The following CUX1 variants were observed in gnomAD, a reference collection of about 807,000 sequenced individuals.
CUX1 encodes the protein protein CASP.
In CUX1, 31 loss-of-function variants were observed where a neutral mutation model predicts 158.8. The ratio of observed to expected loss-of-function variants is 0.20; its 90% CI spans 0.15 to 0.26. The LOEUF is 0.26. Among genes scored for constraint, CUX1 ranks in the 10% least tolerant of loss-of-function variants. CUX1 has a pLI of 1.00. For missense variants in CUX1, 1,589 were observed against 2,014.6 expected (o/e 0.79, Z 4.04); for synonymous variants, 879 against 862.1 (o/e 1.02, Z -0.34).
chr7:101,995,146 G>A (rs1815681599), intron 2 of CUX1, among the ~76,000 whole-genome samples: 1 of 152,106 alleles, frequency 6.6e-6, no homozygotes, highest in Non-Finnish European at 1.5e-5. Flanking sequence ...ACCTGGCTGG[G>A]GGTGATTGTG....
At chr7:101,888,872 G>A (rs968648596) in intron 1 of CUX1, among the ~76,000 whole-genome samples, 1 of 152,080 alleles carries the variant, frequency 6.6e-6, no homozygotes, top group South Asian at 2.1e-4. Context: ...TTATAGGGGT[G>A]AGCCACCACA....
chr7:101,979,650 C>T (rs1813161359), intron 2 of CUX1, among the ~76,000 whole-genome samples: 1 of 151,846 alleles, frequency 6.6e-6, no homozygotes, highest in African/African-American at 2.4e-5. Flanking sequence ...TGTTTTCTTT[C>T]TTTTTTCTTT....
At chr7:101,857,128 G>T (rs1015417223) in intron 1 of CUX1, among the ~76,000 whole-genome samples, 9 of 152,204 alleles carry the variant, frequency 5.9e-5, no homozygotes, top group Non-Finnish European at 8.8e-5. Context: ...CCTGCGCCAT[G>T]TTCCTGCCCT....
chr7:101,887,842 C>CCTTTTTTTTTTTTTT lies in CUX1; in HGVS notation c.31-28273_31-28272insCTTTTTTTTTTTTTT, dbSNP rs1562966470. 3.7e-5 allele frequency among the ~76,000 whole-genome samples: 5 copies of CCTTTTTTTTTTTTTT among 135,038 alleles called. 1 individual carries two copies. The highest frequency in any genetic ancestry group is 1.6e-5 in the Non-Finnish European group (1 of 62,832). The allele number at this position is 135,038 out of a possible 152,430, so 88.6% of individuals were successfully genotyped here. On this transcript the variant is annotated intron_variant, in intron 1 of 23. Transcript: ENST00000292535. ...CCACTGGATCTGGTGATGACGGTGACATTTTTTTTTTTTTTTTTTTTTGTT... is the reference window on the plus strand; with the variant it reads ...CCACTGGATCTGGTGATGACGGTGACCTTTTTTTTTTTTTTATTTTTTTTTTTTTTTTTTTTTGTT...
intron 2 of CUX1, among the ~76,000 whole-genome samples, chr7:102,005,249 G>T (rs548293090): frequency 2.6e-5 from 4 of 152,212 alleles, no homozygotes; most frequent in Non-Finnish European, 5.9e-5. Context: ...CCACTGGGCC[G>T]GGCGCGGTGG....
intron 2 of CUX1, among the ~76,000 whole-genome samples, chr7:101,987,318 C>T (rs1246707908): frequency 2.6e-5 from 4 of 152,134 alleles, no homozygotes; most frequent in Admixed American, 2.0e-4. Context: ...CCCCAAGCTA[C>T]GGGAAAGGGG....
chr7:101,904,247 C>T (rs567592759), intron 1 of CUX1, among the ~76,000 whole-genome samples: 12 of 152,300 alleles, frequency 7.9e-5, no homozygotes, highest in East Asian at 3.9e-4. Flanking sequence ...CTGCAGTAAA[C>T]TGTGATTGCA....
At chr7:102,163,593 A>C (rs1296371642) in intron 9 of CUX1, among the ~76,000 whole-genome samples, 3 of 152,190 alleles carry the variant, frequency 2.0e-5, no homozygotes, top group African/African-American at 7.2e-5. Flanking sequence ...CTCTGGCTAT[A>C]CATTGGAGAA....
chr7:102,069,076 T>A (rs1585516722), intron 3 of CUX1, among the ~76,000 whole-genome samples: 1 of 152,180 alleles, frequency 6.6e-6, no homozygotes, highest in East Asian at 1.9e-4. Context: ...ACGTCAACTG[T>A]GTGTGTCGCT....
At chr7:102,146,834 G>C (rs1275065701) in intron 8 of CUX1, among the ~76,000 whole-genome samples, 1 of 152,158 alleles carries the variant, frequency 6.6e-6, no homozygotes, top group Non-Finnish European at 1.5e-5. Context: ...CTGAACTCAA[G>C]TGATCCACCC....
chr7:102,141,903 A>G (rs1834511855), intron 8 of CUX1, among the ~76,000 whole-genome samples: 1 of 150,398 alleles, frequency 6.6e-6, no homozygotes, highest in South Asian at 2.1e-4. Flanking sequence ...AGCCTCTCAG[A>G]GTGCTGGGAT....
intron 14 of CUX1, among the ~76,000 whole-genome samples, chr7:102,271,754 G>T (rs1242510171): frequency 6.6e-6 from 1 of 152,254 alleles, no homozygotes; most frequent in Non-Finnish European, 1.5e-5. Context: ...TAGGGGCCCA[G>T]TGCGGTGGCT....
At chr7:102,275,007 C>T (rs803066) in intron 16 of CUX1, among the ~76,000 whole-genome samples, 35,498 of 152,064 alleles carry the variant, frequency 0.23, 4,222 homozygotes, top group South Asian at 0.3. Context: ...GGGTGCTGGG[C>T]CCTTCCCCAG....
chr7:102,171,647 C>T, intron 10 of CUX1, among the ~76,000 whole-genome samples: 1 of 151,864 alleles, frequency 6.6e-6, no homozygotes, highest in East Asian at 1.9e-4. Context: ...TAGGTTTTGT[C>T]GCGTTGCCCA....
chr7:102,051,725 T>A (rs1411483813), intron 3 of CUX1, among the ~76,000 whole-genome samples: 3 of 151,702 alleles, frequency 2.0e-5, no homozygotes, highest in Non-Finnish European at 4.4e-5. Context: ...TCTGGGAGGA[T>A]GCCCAAGACT....
chr7:101,838,975 G>A (rs1794921354), intron 1 of CUX1, among the ~76,000 whole-genome samples: 1 of 152,218 alleles, frequency 6.6e-6, no homozygotes, highest in African/African-American at 2.4e-5. Context: ...GGTTCCTGGT[G>A]CGGGCCCTTT....
At chr7:102,269,307 A>G (rs1791037434) in intron 14 of CUX1, among the ~76,000 whole-genome samples, 1 of 152,030 alleles carries the variant, frequency 6.6e-6, no homozygotes. Context: ...GTGGACAGGG[A>G]TGAATATCCA....
rs141848332 is a variant in CUX1 at position 102,172,269 on chromosome 7, A to C, written c.828+1719A>C. The stretch of plus-strand genomic sequence containing the variant: ...ACCATGCCCAGCTAATTTTTGTATT[A>C]TTTGTAGAGATGGGGTTTTGCCACA... On this transcript the variant is annotated intron_variant, in intron 10 of 23. Coordinates refer to ENST00000292535, the MANE Select transcript of CUX1 (RefSeq NM_181552.4). 2.5e-3 allele frequency among the ~76,000 whole-genome samples: 381 copies of C among 151,764 alleles called. 1 individual carries two copies. The highest frequency in any genetic ancestry group is 1.4e-3 in the Non-Finnish European group (96 of 67,900).
intron 5 of CUX1, 124 bp downstream of exon 5, chr7:102,097,625 G>T: frequency 1.0e-6 from 1 of 995,558 alleles, no homozygotes; most frequent in South Asian, 1.8e-5. Context: ...CATAAAGTCA[G>T]GGTGGGGCAG....
Sources: gnomAD v4.1 joint callset for allele counts (sites outside exome capture counted in the v4.1 genomes callset) on GRCh38, gnomAD v4.1.1 for gene constraint, MANE v1.5 for transcripts, NCBI Gene and HGNC (gene_info 2026-07-23, HGNC 2026-07-21) for gene names.